PRKN: variants seen among roughly 807,000 people sequenced by gnomAD.
The protein encoded by PRKN is E3 ubiquitin-protein ligase parkin.
A neutral mutation model predicts 59.5 loss-of-function variants in PRKN; 56 were observed. The observed-to-expected ratio is 0.94, with a 90% confidence interval of 0.76 to 1.18. The LOEUF (loss-of-function observed/expected upper bound fraction) is 1.18, where lower values mean the gene tolerates loss of function less well. Ranked by LOEUF, PRKN falls within the 50% of genes most tolerant of loss-of-function variation. The pLI, the probability that PRKN is intolerant of heterozygous loss-of-function variation, is 0.00. For synonymous variants in PRKN, 250 were observed against 222.1 expected, an observed-to-expected ratio of 1.13 and a Z score of -1.12; for missense variants, 657 against 596.4, an observed-to-expected ratio of 1.10 and a Z score of -1.06.
chr6:161,692,903 A>T (rs914867571), intron 7 of PRKN, among the ~76,000 whole-genome samples: 6 of 151,140 alleles, frequency 4.0e-5, no homozygotes, highest in Non-Finnish European at 8.8e-5. Flanking sequence ...AGCAGAGATC[A>T]TACCACTGCA....
chr6:162,383,980 T>C (rs1786641846), intron 2 of PRKN, among the ~76,000 whole-genome samples: 1 of 152,214 alleles, frequency 6.6e-6, no homozygotes, highest in Non-Finnish European at 1.5e-5. Context: ...TCAGCCTTCA[T>C]GATATTAAAA....
At chr6:161,781,576 A>G (rs558981605) in intron 7 of PRKN, among the ~76,000 whole-genome samples, 21 of 152,354 alleles carry the variant, frequency 1.4e-4, no homozygotes, top group Non-Finnish European at 2.9e-4. Flanking sequence ...AATTCTTTTC[A>G]AGGAGGTTGT....
intron 1 of PRKN, among the ~76,000 whole-genome samples, chr6:162,456,314 G>T (rs1424394539): frequency 6.6e-6 from 1 of 152,000 alleles, no homozygotes; most frequent in Non-Finnish European, 1.5e-5. Context: ...CTAATTAAGG[G>T]ATTTATTTCT....
intron 1 of PRKN, among the ~76,000 whole-genome samples, chr6:162,686,845 T>C (rs1242369432): frequency 1.3e-5 from 2 of 152,216 alleles, no homozygotes; most frequent in African/African-American, 2.4e-5. Context: ...GCTTTATTTC[T>C]GGGTTCTCTA....
chr6:162,647,801 T>C (rs182930705), intron 1 of PRKN, among the ~76,000 whole-genome samples: 2 of 152,084 alleles, frequency 1.3e-5, no homozygotes, highest in East Asian at 3.9e-4. Flanking sequence ...CTACTTTATA[T>C]TCCTTTTCTT....
intron 1 of PRKN, among the ~76,000 whole-genome samples, chr6:162,497,157 G>T (rs9365450): frequency 0.3 from 46,249 of 151,880 alleles, 7,435 homozygotes; most frequent in East Asian, 0.47. Flanking sequence ...CCTTTATAGG[G>T]TGTGGCATAA....
At chr6:161,603,999 TG>T (rs1170203602) in intron 7 of PRKN, among the ~76,000 whole-genome samples, 1 of 152,212 alleles carries the variant, frequency 6.6e-6, no homozygotes, top group African/African-American at 2.4e-5. Flanking sequence ...TATGAGGAAG[TG>T]GGCCCTCGCC....
intron 7 of PRKN, among the ~76,000 whole-genome samples, chr6:161,650,331 A>G (rs2128161323): frequency 6.6e-6 from 1 of 152,318 alleles, no homozygotes; most frequent in African/African-American, 2.4e-5. Context: ...ACGATAAGGA[A>G]TTCTCTTTCC....
chr6:162,487,764 C>T (rs1330698645), intron 1 of PRKN, among the ~76,000 whole-genome samples: 1 of 151,900 alleles, frequency 6.6e-6, no homozygotes. Flanking sequence ...AACAAATAAC[C>T]TAGCAAAACT....
In PRKN at chr6:161,906,094, A is replaced by G. The variant is rs1423227228; in HGVS notation, c.734+67208T>C. On this transcript the variant is annotated intron_variant, in intron 6 of 11. Transcript: ENST00000366898. ...CAGTCCTCTCACCTGGGGCCTCCCAAAATGTTGGGACTACAGGTATGGGCC... is the reference window on the plus strand; with the variant it reads ...CAGTCCTCTCACCTGGGGCCTCCCAGAATGTTGGGACTACAGGTATGGGCC... 5.9e-5 allele frequency among the ~76,000 whole-genome samples: 9 copies of G among 152,246 alleles called. No individual in the cohort carries two copies. The South Asian group carries it at 8.3e-4, about 14-fold the overall frequency.
chr6:161,990,249 G>A lies in PRKN; in HGVS notation c.619-16832C>T, dbSNP rs558622670. ...CAACCTCTACTAACAAGTGCTGCCCGAGCCACTGAAGAGATCACAGACACA... is the reference window on the plus strand; with the variant it reads ...CAACCTCTACTAACAAGTGCTGCCCAAGCCACTGAAGAGATCACAGACACA... On this transcript the variant is annotated intron_variant, in intron 5 of 11. Coordinates refer to ENST00000366898, the MANE Select transcript of PRKN (RefSeq NM_004562.3). 1.3e-4 allele frequency among the ~76,000 whole-genome samples: 20 copies of A among 152,274 alleles called. No homozygotes were observed. The South Asian group carries it at 2.5e-3, about 19-fold the overall frequency.
chr6:162,460,707 C>A (rs146724973), intron 1 of PRKN, among the ~76,000 whole-genome samples: 1 of 152,206 alleles, frequency 6.6e-6, no homozygotes, highest in East Asian at 1.9e-4. Flanking sequence ...CTATTTTCAT[C>A]TATTAGAGAA....
chr6:162,481,022 C>T (rs1265200852), intron 1 of PRKN, among the ~76,000 whole-genome samples: 2 of 151,928 alleles, frequency 1.3e-5, no homozygotes, highest in African/African-American at 2.4e-5. Flanking sequence ...CAGAGTTTTG[C>T]CATGTTGGCC....
chr6:162,162,685 A>T (rs374945704), intron 4 of PRKN, among the ~76,000 whole-genome samples: 74 of 152,264 alleles, frequency 4.9e-4, no homozygotes, highest in African/African-American at 1.8e-3. Context: ...AATGCAAAAA[A>T]TTTTCCCTAA....
intron 6 of PRKN, among the ~76,000 whole-genome samples, chr6:161,806,966 C>A (rs1253321895): frequency 1.3e-5 from 2 of 152,166 alleles, no homozygotes; most frequent in Non-Finnish European, 2.9e-5. Context: ...CTGTAAGCTC[C>A]ATCTGAACCT....
intron 3 of PRKN, among the ~76,000 whole-genome samples, chr6:162,245,030 G>A (rs1208570029): frequency 1.3e-5 from 2 of 152,106 alleles, no homozygotes. Flanking sequence ...CTCTGGTGAT[G>A]TAATGGTTGC....
intron 11 of PRKN, among the ~76,000 whole-genome samples, chr6:161,350,954 TTATATTTAAAA>T (rs1480943471): frequency 4.1e-5 from 3 of 72,492 alleles, no homozygotes; most frequent in African/African-American, 1.9e-4. Flanking sequence ...TTTTATATAT[TTATATTTAAAA>T]TATATATAAA....
chr6:161,606,264 A>G (rs1782279585), intron 7 of PRKN, among the ~76,000 whole-genome samples: 1 of 152,200 alleles, frequency 6.6e-6, no homozygotes, highest in South Asian at 2.1e-4. Flanking sequence ...GTGAGCGTAC[A>G]CTAAACACAC....
rs1239304161 is a variant in PRKN, at chr6:161,497,881, A to C, written c.1083+50973T>G. ...TCTCAAATAGAAAGGCTTGTTCCTG[A>C]TGCTTTCCAATTATTTTCACTTCAA... On this transcript the variant is annotated intron_variant, in intron 9 of 11. Transcript: ENST00000366898. This position sits in a 1 kb window ranked among gnomAD's most constrained non-coding sequence, Gnocchi z 4.6. Among the ~76,000 whole-genome samples, 2 of 152,174 alleles carry C rather than the reference A, an allele frequency of 1.3e-5. No homozygotes were observed. Among genetic ancestry groups the C allele is most frequent in the Non-Finnish European group, 2.9e-5 (2 of 68,040 alleles).
Sources: gnomAD v4.1 joint callset for allele counts (sites outside exome capture counted in the v4.1 genomes callset) on GRCh38, gnomAD v4.1.1 for gene constraint, Gnocchi (gnomAD v3.1) non-coding constraint, MANE v1.5 for transcripts, NCBI Gene and HGNC (gene_info 2026-07-23, HGNC 2026-07-21) for gene names.